TRIM44: variants seen among roughly 807,000 people sequenced by gnomAD.
TRIM44 encodes tripartite motif-containing protein 44.
A neutral mutation model predicts 37.4 loss-of-function variants in TRIM44; 13 were observed. The ratio of observed to expected loss-of-function variants is 0.35; its 90% CI spans 0.23 to 0.55. The LOEUF (loss-of-function observed/expected upper bound fraction) is 0.55. Ranked by LOEUF, TRIM44 falls within the 20% of genes least tolerant of loss-of-function variation. The pLI, the probability that TRIM44 is intolerant of heterozygous loss-of-function variation, is 0.89. For missense variants in TRIM44, 426 were observed against 437.2 expected, an observed-to-expected ratio of 0.97 and a Z score of 0.23; for synonymous variants, 175 against 157.2, an observed-to-expected ratio of 1.11 and a Z score of -0.85.
At chr11:35,753,971 G>T (rs1852590400) in intron 4 of TRIM44, among the ~76,000 whole-genome samples, 1 of 151,832 alleles carries the variant, frequency 6.6e-6, no homozygotes, top group South Asian at 2.1e-4. Flanking sequence ...TTGAACCCAG[G>T]AGGCCAAGGC....
intron 2 of TRIM44, among the ~76,000 whole-genome samples, chr11:35,710,051 A>G (rs1273195187): frequency 6.6e-6 from 1 of 152,220 alleles, no homozygotes; most frequent in African/African-American, 2.4e-5. Context: ...ATTTGCACAC[A>G]GTTTGAACCC....
At chr11:35,799,288 G>C (rs879736689) in intron 4 of TRIM44, among the ~76,000 whole-genome samples, 8 of 152,346 alleles carry the variant, frequency 5.3e-5, no homozygotes, top group Admixed American at 5.2e-4. Context: ...AAGGTACATG[G>C]AGATCAATTC....
rs537034470 is a variant in TRIM44, at chr11:35,691,347, C to T, written c.747+6011C>T. Among the ~76,000 whole-genome samples the T allele has an allele frequency of 7.7e-4, 117 of 152,164 alleles. 2 individuals carry two copies. The highest frequency in any genetic ancestry group is 1.5e-3 in the Non-Finnish European group (102 of 68,034). On this transcript the variant is annotated intron_variant, in intron 2 of 4. Coordinates refer to ENST00000299413, the MANE Select transcript of TRIM44 (RefSeq NM_017583.6). The stretch of plus-strand genomic sequence containing the variant: ...AGCTCTTTCCCTCCTTCACCATTCC[C>T]CTGGCTTTATCAAAACAAAACAGCT...
chr11:35,793,795 G>GT (rs1449628130), intron 4 of TRIM44, among the ~76,000 whole-genome samples: 1 of 152,162 alleles, frequency 6.6e-6, no homozygotes, highest in Non-Finnish European at 1.5e-5. Context: ...GGCCATGGTA[G>GT]TTTCAGCGCT....
At chr11:35,736,266 C>G (rs1220296478) in intron 4 of TRIM44, among the ~76,000 whole-genome samples, 3 of 152,092 alleles carry the variant, frequency 2.0e-5, no homozygotes, top group Non-Finnish European at 4.4e-5. Flanking sequence ...TTGAAATGGA[C>G]TTTAAGCAGA....
chr11:35,679,910 G>A (rs1366711887), intron 1 of TRIM44, among the ~76,000 whole-genome samples: 4 of 152,184 alleles, frequency 2.6e-5, no homozygotes, highest in African/African-American at 9.6e-5. Context: ...CACACAAGCA[G>A]TTGCTGGCAG....
chr11:35,674,484 C>T (rs988520610), intron 1 of TRIM44, among the ~76,000 whole-genome samples: 10 of 152,148 alleles, frequency 6.6e-5, no homozygotes, highest in African/African-American at 2.4e-4. Context: ...TTGATGTATA[C>T]TATAATGTGC....
At chr11:35,787,813 C>G (rs546719140) in intron 4 of TRIM44, among the ~76,000 whole-genome samples, 1 of 152,278 alleles carries the variant, frequency 6.6e-6, no homozygotes, top group South Asian at 2.1e-4. Context: ...CCCGCCTGAA[C>G]CTTATGGGCA....
intron 4 of TRIM44, among the ~76,000 whole-genome samples, chr11:35,784,551 A>T (rs1853104989): frequency 1.3e-5 from 2 of 152,252 alleles, no homozygotes; most frequent in African/African-American, 4.8e-5. Flanking sequence ...ATTTCAAGGC[A>T]AATCAAAGAA....
intron 2 of TRIM44, among the ~76,000 whole-genome samples, chr11:35,688,616 A>T (rs1311019720): frequency 1.3e-5 from 2 of 152,198 alleles, no homozygotes; most frequent in Admixed American, 6.5e-5. Flanking sequence ...TCAAAAATAT[A>T]GACTTGATTC....
At chr11:35,803,362 G>A (rs61881296) in intron 4 of TRIM44, among the ~76,000 whole-genome samples, 20,490 of 152,044 alleles carry the variant, frequency 0.13, 1,552 homozygotes, top group Non-Finnish European at 0.17. Flanking sequence ...TTTCAGAGGA[G>A]CATGATAAGT....
chr11:35,684,268 A>T (rs1259350499), intron 1 of TRIM44, among the ~76,000 whole-genome samples: 3 of 152,226 alleles, frequency 2.0e-5, no homozygotes, highest in Non-Finnish European at 2.9e-5. Flanking sequence ...GCATAAAAAA[A>T]AATCTCATGT....
At chr11:35,703,735 G>T (rs1421847374) in intron 2 of TRIM44, among the ~76,000 whole-genome samples, 3 of 152,004 alleles carry the variant, frequency 2.0e-5, no homozygotes, top group Non-Finnish European at 4.4e-5. Context: ...CAAACAGAAA[G>T]GACATCCACA....
chr11:35,717,789 T>C (rs1245154913), intron 2 of TRIM44, among the ~76,000 whole-genome samples: 1 of 151,726 alleles, frequency 6.6e-6, no homozygotes, highest in African/African-American at 2.4e-5. Context: ...ACCAACCAGC[T>C]GTGTGATCTT....
In TRIM44 at chr11:35,814,179, C is replaced by T. The variant is rs528662922; in HGVS notation, c.*7794C>T. ...GGACCTCAGCGCAAGTTGAGTGTTA[C>T]ACAATTTAACCTGTAATAACAGGTT... On this transcript the variant is annotated 3_prime_UTR_variant, in exon 5 of 5. Coordinates refer to ENST00000299413, the MANE Select transcript of TRIM44 (RefSeq NM_017583.6). 6.6e-6 allele frequency: 1 copy of T among 152,316 alleles called. No homozygotes were observed. The highest frequency in any genetic ancestry group is 2.1e-4 in the South Asian group (1 of 4,824). The allele number at this position is 152,316 out of a possible 1,614,324, so 9.4% of individuals were successfully genotyped here. A position where few individuals can be genotyped will look rare whatever the true frequency, so the allele number is the denominator to read the frequency against.
At chr11:35,751,652 G>C (rs1362303345) in intron 4 of TRIM44, among the ~76,000 whole-genome samples, 1 of 152,192 alleles carries the variant, frequency 6.6e-6, no homozygotes, top group Non-Finnish European at 1.5e-5. Context: ...AAAGCGTAAA[G>C]TGCTAAACAA....
chr11:35,732,021 C>G (rs1411227504), intron 3 of TRIM44, among the ~76,000 whole-genome samples: 1 of 152,146 alleles, frequency 6.6e-6, no homozygotes, highest in Non-Finnish European at 1.5e-5. Flanking sequence ...AAGCTGAATG[C>G]AGAATCTTAG....
At chr11:35,690,463 T>C (rs924671302) in intron 2 of TRIM44, among the ~76,000 whole-genome samples, 6 of 152,214 alleles carry the variant, frequency 3.9e-5, no homozygotes, top group Admixed American at 3.9e-4. Context: ...TCCTATTGTG[T>C]CCCATTATTC....
chr11:35,686,374 GTTTT>G (rs577200341), intron 2 of TRIM44, among the ~76,000 whole-genome samples: 2 of 133,372 alleles, frequency 1.5e-5, no homozygotes, highest in African/African-American at 5.5e-5. Context: ...TTTTGTTTTT[GTTTT>G]TTTTTTTTTT....
Sources: allele counts gnomAD v4.1 joint callset (sites outside exome capture counted in the v4.1 genomes callset), GRCh38; gene constraint gnomAD v4.1.1; transcripts MANE v1.5; gene names NCBI Gene and HGNC (gene_info 2026-07-23, HGNC 2026-07-21).